Variants in IRAG1 observed in about 807,000 individuals in gnomAD.
IRAG1 encodes the protein IP3R-associated cGMP kinase substrate.
In IRAG1, 62 loss-of-function variants were observed where a neutral mutation model predicts 106.2. That is an observed-to-expected ratio of 0.58 (90% confidence interval 0.48 to 0.72). The LOEUF (loss-of-function observed/expected upper bound fraction) is 0.72. IRAG1 is among the 30% of genes least tolerant of loss of function. The pLI is 0.00. For missense variants in IRAG1, 1,064 were observed against 1,140.7 expected (o/e 0.93, Z 0.97); for synonymous variants, 462 against 443.9 (o/e 1.04, Z -0.51).
In IRAG1 at chr11:10,574,433, G is replaced by A. The variant is rs1850722046; in HGVS notation, c.*1899C>T. 6.6e-6 allele frequency: 1 copy of A among 152,074 alleles called. No individual in the cohort carries two copies. The highest frequency in any genetic ancestry group is 1.5e-5 in the Non-Finnish European group (1 of 68,026). 9.4% of individuals were successfully genotyped at this position (152,074 alleles called of 1,614,324 possible). A position where few individuals can be genotyped will look rare whatever the true frequency, so the allele number is the denominator to read the frequency against. ...GTAAGACATGGTTCTTGTCTTTGAG[G>A]AAAAATGCTAGGGGAGATGGATACA... On this transcript the variant is annotated 3_prime_UTR_variant, in exon 21 of 21. Transcript: ENST00000423302.
intron 13 of IRAG1, among the ~76,000 whole-genome samples, chr11:10,603,681 G>A (rs1455295523): frequency 2.0e-5 from 3 of 152,122 alleles, no homozygotes; most frequent in Admixed American, 6.5e-5. Context: ...GACTTTTGGG[G>A]GGACATATCC....
At chr11:10,661,870 G>C (rs933486215) in intron 1 of IRAG1, among the ~76,000 whole-genome samples, 1 of 152,194 alleles carries the variant, frequency 6.6e-6, no homozygotes. Flanking sequence ...ATCTTGGGGA[G>C]GGGGGAGTAT....
chr11:10,635,386 A>C (rs951573397), intron 2 of IRAG1, among the ~76,000 whole-genome samples: 1 of 152,134 alleles, frequency 6.6e-6, no homozygotes, highest in Admixed American at 6.5e-5. Context: ...TGCCACCTCC[A>C]CTATTGGTGC....
intron 1 of IRAG1, among the ~76,000 whole-genome samples, chr11:10,680,531 G>GAAA (rs1241680409): frequency 2.3e-4 from 32 of 136,762 alleles, no homozygotes; most frequent in East Asian, 1.2e-3. Flanking sequence ...AAGAAAGGAA[G>GAAA]GAAGGAAGGG....
chr11:10,608,894 A>T (rs926115414), intron 11 of IRAG1, among the ~76,000 whole-genome samples: 1 of 152,078 alleles, frequency 6.6e-6, no homozygotes, highest in Non-Finnish European at 1.5e-5. Flanking sequence ...TATCTAAAAA[A>T]CCCAAAGACA....
intron 20 of IRAG1, 132 bp downstream of exon 20, chr11:10,580,323 T>A: frequency 3.6e-6 from 5 of 1,376,706 alleles, no homozygotes; most frequent in Non-Finnish European, 5.0e-6. Context: ...CTTGGTTTCT[T>A]GGGCTACTCA....
At chr11:10,578,896 G>A (rs558106988) in intron 20 of IRAG1, among the ~76,000 whole-genome samples, 1 of 152,336 alleles carries the variant, frequency 6.6e-6, no homozygotes, top group East Asian at 1.9e-4. Context: ...GGAAGTGTTA[G>A]AAGTTCCAGT....
chr11:10,687,663 T>C, intron 1 of IRAG1: 1 of 1,280,462 alleles, frequency 7.8e-7, no homozygotes, highest in Non-Finnish European at 1.0e-6. Flanking sequence ...TGCCCAATCC[T>C]CTTGAGAGGA....
intron 1 of IRAG1, among the ~76,000 whole-genome samples, chr11:10,680,534 A>AGGAAGGAAGGGGAAGGGGAAGGGGAAGG (rs1554935806): frequency 7.1e-6 from 1 of 141,234 alleles, no homozygotes; most frequent in Non-Finnish European, 1.5e-5. Flanking sequence ...AAAGGAAGGA[A>AGGAAGGAAGGGGAAGGGGAAGGGGAAGG]GGAAGGGGAA....
intron 2 of IRAG1, among the ~76,000 whole-genome samples, chr11:10,648,501 C>T (rs1481947366): frequency 1.3e-5 from 2 of 152,208 alleles, no homozygotes; most frequent in Non-Finnish European, 2.9e-5. Flanking sequence ...TTATAGAGAG[C>T]TTTGCCTGCC....
Position 10,603,043 on chromosome 11 carries a change from T to G in IRAG1, c.1875+77A>C. 2.0e-6 allele frequency: 3 copies of G among 1,504,404 alleles called. No individual in the cohort carries two copies. In the Middle Eastern group the frequency reaches 5.8e-4, roughly 290 times the overall value. 93.2% of individuals were successfully genotyped at this position (1,504,404 alleles called of 1,614,324 possible). On this transcript the variant is annotated intron_variant, in intron 14 of 20. Transcript: ENST00000423302. ...AGCCACCTCTAAGTGGTATCTGTAG[T>G]TGCCGCTGCTTGGGTGATTGCTCTA...
At chr11:10,595,509 T>C (rs1853197869) in intron 15 of IRAG1, among the ~76,000 whole-genome samples, 1 of 152,228 alleles carries the variant, frequency 6.6e-6, no homozygotes, top group Non-Finnish European at 1.5e-5. Context: ...TGAATAAATC[T>C]TAAAATAATA....
intron 1 of IRAG1, among the ~76,000 whole-genome samples, chr11:10,674,701 G>A (rs1379905211): frequency 6.6e-6 from 1 of 152,174 alleles, no homozygotes; most frequent in Non-Finnish European, 1.5e-5. Flanking sequence ...CTTCTCTGCT[G>A]CTGACAGGCA....
chr11:10,624,352 G>A (rs1031487510), intron 9 of IRAG1, among the ~76,000 whole-genome samples: 1 of 152,090 alleles, frequency 6.6e-6, no homozygotes, highest in Non-Finnish European at 1.5e-5. Flanking sequence ...ACACACTCAG[G>A]TCATCAATGG....
chr11:10,578,840 T>C (rs76288098), intron 20 of IRAG1, among the ~76,000 whole-genome samples: 3 of 125,354 alleles, frequency 2.4e-5, no homozygotes, highest in African/African-American at 8.6e-5. Context: ...TTATATTCCA[T>C]GTACTCTCTC....
rs1856418029 is a variant in IRAG1 at position 10,628,322 on chromosome 11, G to A, written c.653-297C>T. Among the ~76,000 whole-genome samples, 1 of 152,176 alleles carries A rather than the reference G, an allele frequency of 6.6e-6. No homozygotes were observed. Among genetic ancestry groups the A allele is most frequent in the Admixed American group, 6.5e-5 (1 of 15,286 alleles). The stretch of plus-strand genomic sequence containing the variant: ...GAGCGTGCCCTGCCGCACTGATGAG[G>A]GCCGGTTGCCCTTCCTGGCACCCTC... On this transcript the variant is annotated intron_variant, in intron 6 of 20. Transcript: ENST00000423302. The surrounding 1 kb of genome is among the most constrained non-coding windows in gnomAD (Gnocchi z 4.1).
At chr11:10,692,609 C>A (rs1164060880) in intron 1 of IRAG1, among the ~76,000 whole-genome samples, 1 of 152,174 alleles carries the variant, frequency 6.6e-6, no homozygotes, top group Non-Finnish European at 1.5e-5. Flanking sequence ...CTTTTCCCTG[C>A]AAAAGACTCT....
chr11:10,594,035 T>A, intron 16 of IRAG1, 111 bp downstream of exon 16: 1 of 1,021,958 alleles, frequency 9.8e-7, no homozygotes, highest in Non-Finnish European at 1.5e-6. Context: ...GAAACTCTGT[T>A]CAGAGATTCT....
intron 1 of IRAG1, among the ~76,000 whole-genome samples, chr11:10,664,633 A>G (rs1237343689): frequency 6.6e-6 from 1 of 152,210 alleles, no homozygotes; most frequent in Non-Finnish European, 1.5e-5. Context: ...GTAGGAAGTT[A>G]GGGGCCTTCC....
Sources: allele counts gnomAD v4.1 joint callset (sites outside exome capture counted in the v4.1 genomes callset), GRCh38; gene constraint gnomAD v4.1.1; non-coding constraint Gnocchi (gnomAD v3.1); transcripts MANE v1.5; gene names NCBI Gene and HGNC (gene_info 2026-07-23, HGNC 2026-07-21).